UBXN4: variants seen among roughly 807,000 people sequenced by gnomAD.
UBXN4 encodes UBX domain protein 4.
Under a neutral mutation model 66.2 loss-of-function variants are expected in UBXN4, and 35 were observed. The ratio of observed to expected loss-of-function variants is 0.53; its 90% CI spans 0.40 to 0.70. The LOEUF is 0.70. Among genes scored for constraint, UBXN4 ranks in the 30% least tolerant of loss-of-function variants. UBXN4 has a pLI of 0.00. For synonymous variants in UBXN4, 203 were observed against 204.5 expected (o/e 0.99, Z 0.06); for missense variants, 533 against 599.8 (o/e 0.89, Z 1.16).
chr2:135,779,097 C>A lies in UBXN4; in HGVS notation c.1185+18C>A, dbSNP rs370289723. On this transcript the variant is annotated intron_variant, in intron 11 of 12. Transcript: ENST00000272638. The stretch of plus-strand genomic sequence containing the variant: ...TGTTGCCAGTATGTATATACAGATG[C>A]ATTTTTTTCTCTTCTTATTGTTTTC... 18 of 1,555,064 alleles carry A rather than the reference C, an allele frequency of 1.2e-5. No individual in the cohort carries two copies. Among genetic ancestry groups the A allele is most frequent in the Non-Finnish European group, 8.7e-7 (1 of 1,154,396 alleles).
At chr2:135,772,635 T>TG in intron 9 of UBXN4, 88 bp downstream of exon 9, 1 of 1,536,586 alleles carries the variant, frequency 6.5e-7, no homozygotes, top group Non-Finnish European at 8.9e-7. Flanking sequence ...ATGTATACTG[T>TG]GGTTATAAGC....
intron 6 of UBXN4, among the ~76,000 whole-genome samples, chr2:135,769,095 C>T (rs1359615985): frequency 1.3e-5 from 2 of 152,116 alleles, no homozygotes; most frequent in Non-Finnish European, 2.9e-5. Flanking sequence ...CTCGACCTCC[C>T]GGCTCAAGCA....
intron 2 of UBXN4, among the ~76,000 whole-genome samples, chr2:135,752,742 A>G (rs2077251954): frequency 6.6e-6 from 1 of 152,250 alleles, no homozygotes; most frequent in East Asian, 1.9e-4. Flanking sequence ...CTCTTTTGAG[A>G]TGAAGTCTCA....
At chr2:135,781,732 A>C (rs2077451727) in intron 12 of UBXN4, among the ~76,000 whole-genome samples, 1 of 152,228 alleles carries the variant, frequency 6.6e-6, no homozygotes, top group South Asian at 2.1e-4. Context: ...GGGAGCATTT[A>C]ATACTGAATT....
intron 5 of UBXN4, among the ~76,000 whole-genome samples, chr2:135,757,837 C>T (rs968994268): frequency 6.6e-6 from 1 of 150,546 alleles, no homozygotes; most frequent in African/African-American, 2.5e-5. Context: ...AATCCCAGCA[C>T]TTTGAGAGGC....
chr2:135,759,809 C>T (rs1317369341), intron 5 of UBXN4, among the ~76,000 whole-genome samples: 3 of 123,250 alleles, frequency 2.4e-5, no homozygotes, highest in Admixed American at 1.0e-4. Context: ...CGCTCTGTCT[C>T]CCAGGCTGGA....
At chr2:135,749,054 A>G (rs2077226958) in intron 2 of UBXN4, among the ~76,000 whole-genome samples, 1 of 151,822 alleles carries the variant, frequency 6.6e-6, no homozygotes, top group South Asian at 2.1e-4. Context: ...AAAAAAAAAG[A>G]ATGTTTATGC....
intron 6 of UBXN4, 98 bp downstream of exon 6, chr2:135,762,009 G>A (rs1379306246): frequency 2.4e-6 from 3 of 1,267,738 alleles, no homozygotes; most frequent in Admixed American, 2.8e-5. Context: ...TACAAATGAA[G>A]TTTTAGAATT....
intron 6 of UBXN4, among the ~76,000 whole-genome samples, chr2:135,766,692 A>G (rs1026032730): frequency 5.9e-5 from 9 of 152,238 alleles, no homozygotes; most frequent in African/African-American, 2.2e-4. Context: ...ATCAGGAGAC[A>G]AGTAATATGA....
intron 1 of UBXN4, among the ~76,000 whole-genome samples, chr2:135,744,400 A>C (rs2077194522): frequency 7.9e-6 from 1 of 126,926 alleles, no homozygotes; most frequent in Non-Finnish European, 1.6e-5. Context: ...CTAACAAATT[A>C]ATATGATTTT....
At chr2:135,777,744 G>A (rs916644482) in intron 10 of UBXN4, among the ~76,000 whole-genome samples, 2 of 151,790 alleles carry the variant, frequency 1.3e-5, no homozygotes, top group African/African-American at 2.4e-5. Context: ...TTAGCCGGGC[G>A]TGGTGGTGGG....
At chr2:135,779,184 G>A in intron 11 of UBXN4, 105 bp downstream of exon 11, 1 of 1,219,044 alleles carries the variant, frequency 8.2e-7, no homozygotes, top group Non-Finnish European at 1.1e-6. Context: ...TATACTGAAG[G>A]TAATTAAAAT....
At chr2:135,757,786 T>A (rs1010429363) in intron 5 of UBXN4, among the ~76,000 whole-genome samples, 13 of 142,670 alleles carry the variant, frequency 9.1e-5, no homozygotes, top group South Asian at 2.2e-4. Flanking sequence ...TTAAAAAAAA[T>A]TTTTTTTTTT....
chr2:135,775,215 G>GCCA (rs1335669596), intron 9 of UBXN4, among the ~76,000 whole-genome samples: 1 of 152,214 alleles, frequency 6.6e-6, no homozygotes, highest in African/African-American at 2.4e-5. Context: ...AAATGATGTA[G>GCCA]CCACCTTGGA....
At position 135,758,806 on chromosome 2, in the gene UBXN4, T is replaced by C. The variant is rs533212499; in HGVS notation, c.509-3012T>C. On this transcript the variant is annotated intron_variant, in intron 5 of 12. Coordinates refer to ENST00000272638, the MANE Select transcript of UBXN4 (RefSeq NM_014607.4). ...CAGAGTCTCACTTTGTTGGCCAGGC[T>C]GCAGTGCAGTGGCGTGATCTCGGCT... Among the ~76,000 whole-genome samples, 22 of 152,298 alleles carry C rather than the reference T, an allele frequency of 1.4e-4. No individual in the cohort carries two copies. The South Asian group carries it at 3.7e-3, about 26-fold the overall frequency.
chr2:135,760,026 C>T (rs189541461), intron 5 of UBXN4, among the ~76,000 whole-genome samples: 21 of 152,156 alleles, frequency 1.4e-4, no homozygotes, highest in African/African-American at 4.8e-4. Context: ...CCTCGGCCTC[C>T]CAAAGTGCTG....
chr2:135,767,099 G>A (rs1039187661), intron 6 of UBXN4, among the ~76,000 whole-genome samples: 15 of 152,110 alleles, frequency 9.9e-5, no homozygotes, highest in African/African-American at 3.1e-4. Flanking sequence ...GGTGGCTCAC[G>A]CCTGTAATCC....
Position 135,770,646 on chromosome 2 carries a change from G to T in UBXN4, c.733G>T (p.Glu245Ter), listed in dbSNP as rs1206016534. ...MLDYKRKQEE[E>*]LTKRMLEERN... Reference sequence around the variant, plus strand: ...GGATTATAAAAGAAAACAAGAAGAAGAATTAACAAAAAGAATGCTGGAGGA... The same window carrying T: ...GGATTATAAAAGAAAACAAGAAGAATAATTAACAAAAAGAATGCTGGAGGA... Residue 245 changes from glutamate to a stop codon, truncating the protein, a stop_gained, in exon 8 of 13, where the codon GAA becomes TAA. Transcript: ENST00000272638. LOFTEE classifies it high-confidence loss of function. 5 of 1,573,992 alleles carry T rather than the reference G, an allele frequency of 3.2e-6. No individual in the cohort carries two copies. The highest frequency in any genetic ancestry group is 1.4e-5 in the African/African-American group (1 of 72,566).
chr2:135,760,201 G>T (rs564543120), intron 5 of UBXN4, among the ~76,000 whole-genome samples: 4 of 152,200 alleles, frequency 2.6e-5, no homozygotes, highest in East Asian at 1.9e-4. Context: ...TACTTTAGGA[G>T]GCCAAGATCA....
Sources: gnomAD v4.1 joint callset for allele counts (sites outside exome capture counted in the v4.1 genomes callset) on GRCh38, gnomAD v4.1.1 for gene constraint, MANE v1.5 for transcripts, NCBI Gene and HGNC (gene_info 2026-07-23, HGNC 2026-07-21) for gene names.